ASIC5: variants seen among roughly 807,000 people sequenced by gnomAD.
ASIC5 encodes bile acid-sensitive ion channel.
Under a neutral mutation model 51.2 loss-of-function variants are expected in ASIC5, and 52 were observed. That is an observed-to-expected ratio of 1.02 (90% confidence interval 0.81 to 1.28). ASIC5 has a LOEUF of 1.28. Among genes scored for constraint, ASIC5 ranks in the 50% most tolerant of loss-of-function variants. The probability of loss-of-function intolerance (pLI) is 0.00; values close to 1 mark genes in which losing one functional copy is unlikely to be tolerated. For synonymous variants in ASIC5, 231 were observed against 200.7 expected, an observed-to-expected ratio of 1.15 and a Z score of -1.28; for missense variants, 635 against 595.0, an observed-to-expected ratio of 1.07 and a Z score of -0.70.
At chr4:155,848,502 CTT>C (rs1741306477) in intron 4 of ASIC5, among the ~76,000 whole-genome samples, 2 of 152,076 alleles carry the variant, frequency 1.3e-5, no homozygotes, top group East Asian at 3.9e-4. Context: ...TCTGATATGA[CTT>C]AGTGTACATT....
chr4:155,855,742 A>G (rs1336273948), intron 2 of ASIC5, among the ~76,000 whole-genome samples: 1 of 150,010 alleles, frequency 6.7e-6, no homozygotes, highest in African/African-American at 2.4e-5. Context: ...ATATATACAT[A>G]TATATAAAGA....
In ASIC5 at chr4:155,854,237, T is replaced by G; in HGVS notation, c.425A>C (p.Gln142Pro). The change falls in exon 3 of 10, where the codon CAA becomes CCA. Residue 142 changes from glutamine to proline, a missense_variant. Gln to Pro is a moderately conservative substitution (Grantham distance 76). Transcript: ENST00000537611. Reference protein sequence around the residue: ...WHIVSKVLHLQEITANSTGSR... With the variant: ...WHIVSKVLHLPEITANSTGSR... ...GCCAGTGGAATTGGCAGTAATTTCT[T>G]GAAGATGGAGGACTTTGGATACAAT... is the stretch of plus-strand genomic sequence containing the variant. The G allele has an allele frequency of 6.2e-7, 1 of 1,613,338 alleles. No homozygotes were observed.
chr4:155,851,878 T>C (rs561701130), intron 4 of ASIC5, among the ~76,000 whole-genome samples: 5 of 152,074 alleles, frequency 3.3e-5, no homozygotes, highest in Non-Finnish European at 7.4e-5. Context: ...ATGCAAAGAG[T>C]TCTCTTAAAA....
rs2111222084 is a variant in ASIC5 at position 155,831,930 on chromosome 4, G to T, written c.1236-15C>A. ...CAAGATTCTCCCTAGGGATAAAAAA[G>T]AGAGTTAATATAGCTTAAGATTGTC... On this transcript the variant is annotated splice_polypyrimidine_tract_variant and intron_variant, in intron 8 of 9. Coordinates refer to ENST00000537611, the MANE Select transcript of ASIC5 (RefSeq NM_017419.3). 1 of 1,341,554 alleles carries T rather than the reference G, an allele frequency of 7.5e-7. No individual in the cohort carries two copies. Among genetic ancestry groups the T allele is most frequent in the Middle Eastern group, 1.8e-4 (1 of 5,434 alleles). The allele number at this position is 1,341,554 out of a possible 1,614,324, so 83.1% of individuals were successfully genotyped here. A position where few individuals can be genotyped will look rare whatever the true frequency, so the allele number is the denominator to read the frequency against.
intron 2 of ASIC5, among the ~76,000 whole-genome samples, chr4:155,858,192 C>T (rs529263778): frequency 1.3e-5 from 2 of 151,832 alleles, no homozygotes; most frequent in Non-Finnish European, 2.9e-5. Context: ...GAATTGATAC[C>T]AAAGAACCAA....
intron 1 of ASIC5, chr4:155,864,555 T>C (rs541193098): frequency 6.6e-6 from 1 of 152,086 alleles, no homozygotes; most frequent in East Asian, 1.9e-4. Context: ...TTCAATATAG[T>C]TAAGAGCATG....
At chr4:155,853,333 G>A (rs1005415183) in intron 3 of ASIC5, among the ~76,000 whole-genome samples, 3 of 151,926 alleles carry the variant, frequency 2.0e-5, no homozygotes, top group Non-Finnish European at 2.9e-5. Flanking sequence ...TTGTATTGAA[G>A]AACAAAGAAT....
chr4:155,851,808 T>G (rs1395503463), intron 4 of ASIC5, among the ~76,000 whole-genome samples: 1 of 152,034 alleles, frequency 6.6e-6, no homozygotes, highest in Non-Finnish European at 1.5e-5. Context: ...CAAATGTGTA[T>G]GTAGAGTTTC....
At chr4:155,845,674 T>G (rs1293509752) in intron 4 of ASIC5, among the ~76,000 whole-genome samples, 1 of 152,090 alleles carries the variant, frequency 6.6e-6, no homozygotes, top group Non-Finnish European at 1.5e-5. Context: ...GTAGTCCCTA[T>G]CTAAATAAGA....
chr4:155,859,484 A>G (rs148437886), intron 2 of ASIC5, among the ~76,000 whole-genome samples: 451 of 152,044 alleles, frequency 3.0e-3, no homozygotes, highest in African/African-American at 0.01. Context: ...TTATAATCCA[A>G]AGTCACTTGG....
intron 4 of ASIC5, among the ~76,000 whole-genome samples, chr4:155,844,929 A>T (rs1252933860): frequency 6.6e-6 from 1 of 152,026 alleles, no homozygotes; most frequent in South Asian, 2.1e-4. Flanking sequence ...AGGTAGCTGC[A>T]ACACAGGACG....
At chr4:155,854,359 T>C (rs201140722) in intron 2 of ASIC5, 45 bp from the exon 3 acceptor site, 13 of 1,279,694 alleles carry the variant, frequency 1.0e-5, no homozygotes, top group South Asian at 8.8e-5. Context: ...TGAAAACTTA[T>C]AATTATCTGG....
At chr4:155,847,473 G>A (rs1360675216) in intron 4 of ASIC5, among the ~76,000 whole-genome samples, 1 of 152,036 alleles carries the variant, frequency 6.6e-6, no homozygotes, top group Non-Finnish European at 1.5e-5. Flanking sequence ...TGTAATCCCA[G>A]CATTTTGGGA....
intron 7 of ASIC5, among the ~76,000 whole-genome samples, chr4:155,837,136 GTAAAATAT>G (rs1741001978): frequency 1.2e-4 from 2 of 17,274 alleles, no homozygotes; most frequent in East Asian, 1.5e-3. Flanking sequence ...GTCTATTTCT[GTAAAATAT>G]CAGATATTTG....
intron 8 of ASIC5, among the ~76,000 whole-genome samples, chr4:155,834,774 A>G (rs1740939744): frequency 6.6e-6 from 1 of 152,088 alleles, no homozygotes; most frequent in African/African-American, 2.4e-5. Context: ...TCCTGCCTCC[A>G]TATGAAACCC....
intron 2 of ASIC5, among the ~76,000 whole-genome samples, chr4:155,855,577 G>A (rs1380503): frequency 0.94 from 142,571 of 151,822 alleles, 67,342 homozygotes; most frequent in East Asian, 1. Context: ...TAAAGGCATA[G>A]AACGGAATGC....
intron 1 of ASIC5, chr4:155,864,872 G>T (rs778365445): frequency 6.6e-6 from 1 of 151,964 alleles, no homozygotes; most frequent in Non-Finnish European, 1.5e-5. Flanking sequence ...TAAAAAATTA[G>T]TTCTTAATGG....
At chr4:155,862,252 A>T (rs1378758274) in intron 2 of ASIC5, among the ~76,000 whole-genome samples, 2 of 152,090 alleles carry the variant, frequency 1.3e-5, no homozygotes, top group Admixed American at 1.3e-4. Flanking sequence ...GACCCTTGAT[A>T]CATATCTTGA....
chr4:155,852,147 C>A (rs781768790), intron 4 of ASIC5, 44 bp downstream of exon 4: 1 of 1,608,850 alleles, frequency 6.2e-7, no homozygotes, highest in African/African-American at 1.3e-5. Context: ...TTTTGAAACC[C>A]CCACACATTC....
Sources: allele counts gnomAD v4.1 joint callset (sites outside exome capture counted in the v4.1 genomes callset), GRCh38; gene constraint gnomAD v4.1.1; transcripts MANE v1.5; gene names NCBI Gene and HGNC (gene_info 2026-07-23, HGNC 2026-07-21).